Variants in OCA2 observed in about 807,000 individuals in gnomAD.
OCA2 encodes the protein OCA2 melanosomal transmembrane protein.
OCA2 carries 77 observed loss-of-function variants against 100.2 expected under a neutral mutation model. The ratio of observed to expected loss-of-function variants is 0.77; its 90% confidence interval spans 0.64 to 0.93. The LOEUF (loss-of-function observed/expected upper bound fraction) is 0.93, where lower values mean the gene tolerates loss of function less well. Ranked by LOEUF, OCA2 falls within the 40% of genes least tolerant of loss-of-function variation. OCA2 has a pLI of 0.00. For missense variants in OCA2, 1,062 were observed against 1,089.1 expected, an observed-to-expected ratio of 0.98 and a Z score of 0.35; for synonymous variants, 432 against 439.2, an observed-to-expected ratio of 0.98 and a Z score of 0.21.
At chr15:27,905,191 T>G (rs2038128619) in intron 19 of OCA2, among the ~76,000 whole-genome samples, 1 of 147,088 alleles carries the variant, frequency 6.8e-6, no homozygotes, top group Admixed American at 6.8e-5. Context: ...ATTGGCAATG[T>G]GGACAGCTGA....
the OCA2 span, among the ~76,000 whole-genome samples, chr15:27,726,963 T>A: frequency 6.6e-6 from 1 of 152,168 alleles, no homozygotes; most frequent in Non-Finnish European, 1.5e-5. Context: ...CCCTGCAGCA[T>A]CAGCTCGGCA....
chr15:27,852,069 T>C (rs1432819966), intron 21 of OCA2, among the ~76,000 whole-genome samples: 13 of 152,204 alleles, frequency 8.5e-5, no homozygotes, highest in Non-Finnish European at 1.2e-4. Context: ...AGGTACCAGA[T>C]TCTACAGCCA....
rs140660333 is a variant in OCA2, at chr15:28,038,367, A to C, written c.228-6204T>G. ...AGACTATGATTCCTCACCCGTGTAC[A>C]GTCAGAGCCTCTGGGAGTCTGGCAT... On this transcript the variant is annotated intron_variant, in intron 2 of 23. Transcript: ENST00000354638. Among the ~76,000 whole-genome samples, 17 of 152,340 alleles carry C rather than the reference A, an allele frequency of 1.1e-4. No homozygotes were observed. In the East Asian group the frequency reaches 3.3e-3, roughly 29 times the overall value.
the OCA2 span, among the ~76,000 whole-genome samples, chr15:27,720,207 T>C: frequency 6.6e-6 from 1 of 151,872 alleles, no homozygotes; most frequent in Non-Finnish European, 1.5e-5. Context: ...TGAAACAAGA[T>C]AAAAATCCAA....
rs1378080763 is a variant in OCA2 at position 27,871,201 on chromosome 15, C to G, written c.2197G>C (p.Ala733Pro). ...AAIVLVVWVS[A>P]LASSLIDNIP... Reference sequence around the variant, plus strand: ...TTGTCAATCAGGGACGACGCCAGGGCTGAGACCCACACCACCAGGACAATG... The same window carrying G: ...TTGTCAATCAGGGACGACGCCAGGGGTGAGACCCACACCACCAGGACAATG... Residue 733 changes from alanine to proline, a missense_variant, in exon 21 of 24, where the codon GCC (alanine) becomes CCC (proline). Transcript: ENST00000354638. 4 of 1,614,068 alleles carry G rather than the reference C, an allele frequency of 2.5e-6. No individual in the cohort carries two copies. The Admixed American group carries it at 5.0e-5, about 20-fold the overall frequency.
intron 18 of OCA2, among the ~76,000 whole-genome samples, chr15:27,947,157 A>C (rs539606518): frequency 2.6e-5 from 4 of 152,344 alleles, no homozygotes; most frequent in Admixed American, 2.6e-4. Context: ...TCCTGTGTAC[A>C]CATGTTAAAT....
intron 11 of OCA2, among the ~76,000 whole-genome samples, chr15:27,988,093 G>A (rs887918623): frequency 2.1e-4 from 32 of 152,012 alleles, no homozygotes; most frequent in Admixed American, 2.1e-3. Context: ...AGACCCATGT[G>A]GTGTTTTACA....
chr15:27,888,715 C>G (rs544253474), intron 19 of OCA2, among the ~76,000 whole-genome samples: 4 of 151,912 alleles, frequency 2.6e-5, no homozygotes, highest in Non-Finnish European at 5.9e-5. Context: ...CTGAAAACAT[C>G]CTAAGAGCAA....
At chr15:28,014,669 C>T in intron 9 of OCA2, 107 bp downstream of exon 9, 1 of 1,197,086 alleles carries the variant, frequency 8.4e-7, no homozygotes, top group Non-Finnish European at 1.2e-6. Context: ...GACACTAGTC[C>T]AGTTTGATTA....
At chr15:27,844,371 G>C (rs1385613191) in intron 23 of OCA2, among the ~76,000 whole-genome samples, 1 of 152,204 alleles carries the variant, frequency 6.6e-6, no homozygotes, top group Non-Finnish European at 1.5e-5. Context: ...TGGACAGTCA[G>C]GGCACAAGCT....
chr15:27,772,913 A>AG (rs1286291243), intron 23 of OCA2, among the ~76,000 whole-genome samples: 1 of 151,952 alleles, frequency 6.6e-6, no homozygotes, highest in Non-Finnish European at 1.5e-5. Flanking sequence ...AGAGACAGAT[A>AG]GTGTCATATG....
intron 19 of OCA2, among the ~76,000 whole-genome samples, chr15:27,890,997 C>G (rs1479595951): frequency 6.6e-6 from 1 of 150,884 alleles, no homozygotes; most frequent in East Asian, 1.9e-4. Flanking sequence ...TGCACTCCAG[C>G]CTGGAGACAG....
chr15:27,761,516 T>G (rs2030840777), intron 23 of OCA2, among the ~76,000 whole-genome samples: 1 of 151,550 alleles, frequency 6.6e-6, no homozygotes, highest in Non-Finnish European at 1.5e-5. Context: ...AGAGTGTTCA[T>G]TAATGGAAGA....
the OCA2 span, among the ~76,000 whole-genome samples, chr15:27,729,196 C>T: frequency 3.3e-5 from 5 of 151,996 alleles, no homozygotes; most frequent in Non-Finnish European, 7.4e-5. Context: ...AATCTGTTCA[C>T]GGCAACTTAA....
intron 15 of OCA2, among the ~76,000 whole-genome samples, chr15:27,960,465 C>G (rs1203555529): frequency 3.9e-5 from 6 of 152,186 alleles, no homozygotes; most frequent in Admixed American, 3.9e-4. Flanking sequence ...TTCTTCCTGT[C>G]CTAGGTTACC....
chr15:27,846,301 T>C (rs72710543), intron 22 of OCA2, among the ~76,000 whole-genome samples: 1 of 152,056 alleles, frequency 6.6e-6, no homozygotes, highest in Non-Finnish European at 1.5e-5. Context: ...AATGTGGCCA[T>C]CATTTCTCAC....
At chr15:28,058,897 G>GT (rs2043787665) in intron 2 of OCA2, among the ~76,000 whole-genome samples, 1 of 152,144 alleles carries the variant, frequency 6.6e-6, no homozygotes, top group Admixed American at 6.5e-5. Context: ...CAGGGCCTGG[G>GT]TCCTCTCCCT....
At chr15:27,907,068 C>T (rs972501605) in intron 19 of OCA2, among the ~76,000 whole-genome samples, 2 of 152,206 alleles carry the variant, frequency 1.3e-5, no homozygotes, top group South Asian at 4.1e-4. Flanking sequence ...GACCCAAACA[C>T]CTCCCATCAG....
At chr15:28,075,934 C>G (rs2044414639) in intron 2 of OCA2, among the ~76,000 whole-genome samples, 2 of 152,178 alleles carry the variant, frequency 1.3e-5, no homozygotes, top group Non-Finnish European at 2.9e-5. Flanking sequence ...TATTCCAGAT[C>G]TTGATTTGCT....
Sources: gnomAD v4.1 joint callset for allele counts (sites outside exome capture counted in the v4.1 genomes callset) on GRCh38, gnomAD v4.1.1 for gene constraint, MANE v1.5 for transcripts, NCBI Gene and HGNC (gene_info 2026-07-23, HGNC 2026-07-21) for gene names.